CNTNAP5: variants seen among roughly 807,000 people sequenced by gnomAD.
CNTNAP5 encodes contactin associated protein family member 5, also known as contactin-associated protein-like 5.
CNTNAP5 carries 72 observed loss-of-function variants against 150.2 expected under a neutral mutation model. That is an observed-to-expected ratio of 0.48 (90% CI 0.40 to 0.58). The LOEUF (loss-of-function observed/expected upper bound fraction) is 0.58, where lower values mean the gene tolerates loss of function less well. Among genes scored for constraint, CNTNAP5 ranks in the 20% least tolerant of loss-of-function variants. The pLI is 0.00. For missense variants in CNTNAP5, 1,636 were observed against 1,626.2 expected, an observed-to-expected ratio of 1.01 and a Z score of -0.10; for synonymous variants, 672 against 619.8, an observed-to-expected ratio of 1.08 and a Z score of -1.25.
intron 13 of CNTNAP5, among the ~76,000 whole-genome samples, chr2:124,709,450 AC>A (rs943588959): frequency 5.9e-5 from 9 of 152,292 alleles, no homozygotes; most frequent in African/African-American, 2.2e-4. Context: ...TAGAATGAAT[AC>A]AAGTAGAAAA....
At chr2:124,345,698 GAGA>G in intron 3 of CNTNAP5, among the ~76,000 whole-genome samples, 1 of 152,142 alleles carries the variant, frequency 6.6e-6, no homozygotes, top group Non-Finnish European at 1.5e-5. Flanking sequence ...AATTGGAATA[GAGA>G]AGAAGAGAAA....
At chr2:124,549,630 C>G (rs1351645523) in intron 10 of CNTNAP5, among the ~76,000 whole-genome samples, 1 of 152,070 alleles carries the variant, frequency 6.6e-6, no homozygotes, top group Non-Finnish European at 1.5e-5. Context: ...AAATAAGCTG[C>G]CCACTGATAG....
At chr2:124,566,373 T>G (rs1052205998) in intron 11 of CNTNAP5, among the ~76,000 whole-genome samples, 5 of 152,186 alleles carry the variant, frequency 3.3e-5, no homozygotes, top group African/African-American at 1.2e-4. Flanking sequence ...CTATGGATAC[T>G]GTTCTCCTTT....
At chr2:124,246,951 C>G (rs1379278428) in intron 3 of CNTNAP5, among the ~76,000 whole-genome samples, 1 of 152,132 alleles carries the variant, frequency 6.6e-6, no homozygotes, top group African/African-American at 2.4e-5. Flanking sequence ...GGCCTGTGCA[C>G]TCTGATGGTC....
chr2:124,195,088 C>A (rs1020867093), intron 1 of CNTNAP5, among the ~76,000 whole-genome samples: 4 of 151,796 alleles, frequency 2.6e-5, no homozygotes, highest in Admixed American at 1.3e-4. Flanking sequence ...CTAAAGAGAA[C>A]CTCAATCGTA....
intron 3 of CNTNAP5, among the ~76,000 whole-genome samples, chr2:124,357,999 G>T (rs1046305740): frequency 4.7e-5 from 7 of 150,108 alleles, no homozygotes; most frequent in Admixed American, 4.6e-4. Flanking sequence ...GTGGTTTGTA[G>T]TTCTCCTTGA....
At chr2:124,655,740 A>C (rs1268495314) in intron 13 of CNTNAP5, among the ~76,000 whole-genome samples, 1 of 151,704 alleles carries the variant, frequency 6.6e-6, no homozygotes, top group Non-Finnish European at 1.5e-5. Flanking sequence ...CCTACAAAAG[A>C]TATTTAAAAA....
intron 6 of CNTNAP5, among the ~76,000 whole-genome samples, chr2:124,460,861 A>T (rs576927465): frequency 6.6e-6 from 1 of 152,308 alleles, no homozygotes; most frequent in East Asian, 1.9e-4. Context: ...ATAGTTATAG[A>T]TCCTTTGTTT....
intron 10 of CNTNAP5, among the ~76,000 whole-genome samples, chr2:124,533,886 C>T (rs903699359): frequency 1.3e-5 from 2 of 152,168 alleles, no homozygotes; most frequent in African/African-American, 4.8e-5. Context: ...TTGTGAGGTA[C>T]CCCTGAACGT....
At chr2:124,760,245 G>C (rs1680930080) in intron 14 of CNTNAP5, among the ~76,000 whole-genome samples, 1 of 151,748 alleles carries the variant, frequency 6.6e-6, no homozygotes, top group Non-Finnish European at 1.5e-5. Context: ...ATAATTTTCT[G>C]TTTGTCTGCC....
At chr2:124,817,248 G>A (rs114628208) in intron 19 of CNTNAP5, among the ~76,000 whole-genome samples, 135 of 152,240 alleles carry the variant, frequency 8.9e-4, no homozygotes, top group African/African-American at 3.2e-3. Context: ...GTTAACTTTG[G>A]AGGTAGGGAG....
chr2:124,134,297 T>C (rs1683926959), intron 1 of CNTNAP5, among the ~76,000 whole-genome samples: 1 of 151,458 alleles, frequency 6.6e-6, no homozygotes, highest in Non-Finnish European at 1.5e-5. Context: ...CTGTGTATAT[T>C]AAAGGGAAAT....
At chr2:124,599,032 C>T (rs999828595) in intron 11 of CNTNAP5, among the ~76,000 whole-genome samples, 2 of 152,066 alleles carry the variant, frequency 1.3e-5, no homozygotes, top group Admixed American at 6.6e-5. Context: ...CACTGGCCTG[C>T]GCCCACTGTC....
intron 3 of CNTNAP5, among the ~76,000 whole-genome samples, chr2:124,375,598 G>A (rs1223510126): frequency 1.3e-5 from 2 of 152,196 alleles, no homozygotes; most frequent in East Asian, 3.9e-4. Context: ...GACAGCAATG[G>A]AGAAACTGAT....
chr2:124,262,455 T>C (rs1479462318), intron 3 of CNTNAP5, among the ~76,000 whole-genome samples: 1 of 152,204 alleles, frequency 6.6e-6, no homozygotes, highest in African/African-American at 2.4e-5. Context: ...CTAACATTGC[T>C]ATTGCTTAAG....
At chr2:124,543,068 A>T (rs1207561498) in intron 10 of CNTNAP5, among the ~76,000 whole-genome samples, 2 of 152,178 alleles carry the variant, frequency 1.3e-5, no homozygotes, top group African/African-American at 4.8e-5. Flanking sequence ...TTCACGCCAA[A>T]TACTGCTCTA....
intron 3 of CNTNAP5, among the ~76,000 whole-genome samples, chr2:124,360,484 G>A (rs1690167813): frequency 7.1e-6 from 1 of 140,856 alleles, no homozygotes. Flanking sequence ...TCCTTCAGGA[G>A]CTCTTTTAGG....
At chr2:124,152,566 T>A (rs528698306) in intron 1 of CNTNAP5, among the ~76,000 whole-genome samples, 1 of 151,986 alleles carries the variant, frequency 6.6e-6, no homozygotes, top group Admixed American at 6.6e-5. Flanking sequence ...TTTTTCAGGG[T>A]TGAGATCAGT....
At chr2:124,468,288 T>A (rs1693428502) in intron 6 of CNTNAP5, among the ~76,000 whole-genome samples, 1 of 151,998 alleles carries the variant, frequency 6.6e-6, no homozygotes. Context: ...TCAGTCCAAG[T>A]CTCAAAACCT....
Sources: gnomAD v4.1 joint callset for allele counts (sites outside exome capture counted in the v4.1 genomes callset) on GRCh38, gnomAD v4.1.1 for gene constraint, MANE v1.5 for transcripts, NCBI Gene and HGNC (gene_info 2026-07-23, HGNC 2026-07-21) for gene names.